Variants in NELL1 observed in about 807,000 individuals in gnomAD.
NELL1 encodes the protein protein kinase C-binding protein NELL1.
In NELL1, 76 loss-of-function variants were observed where a neutral mutation model predicts 107.4. The ratio of observed to expected loss-of-function variants is 0.71; its 90% CI spans 0.59 to 0.86. The LOEUF (loss-of-function observed/expected upper bound fraction) is 0.86, where lower values mean the gene tolerates loss of function less well. NELL1 is among the 40% of genes least tolerant of loss of function. The pLI, the probability that NELL1 is intolerant of heterozygous loss-of-function variation, is 0.00. For synonymous variants in NELL1, 353 were observed against 341.2 expected, an observed-to-expected ratio of 1.03 and a Z score of -0.38; for missense variants, 1,024 against 1,005.5, an observed-to-expected ratio of 1.02 and a Z score of -0.25.
intron 2 of NELL1, among the ~76,000 whole-genome samples, chr11:20,729,753 A>G (rs1157991466): frequency 6.6e-6 from 1 of 152,164 alleles, no homozygotes; most frequent in African/African-American, 2.4e-5. Flanking sequence ...ATTTCCACAC[A>G]GTAATGGAGT....
At position 21,060,028 on chromosome 11, in the gene NELL1, C is replaced by T. The variant is rs538516942; in HGVS notation, c.1301-53561C>T. On this transcript the variant is annotated intron_variant, in intron 12 of 19. Coordinates refer to ENST00000357134, the MANE Select transcript of NELL1 (RefSeq NM_006157.5). Reference sequence around the variant, plus strand: ...GGACCCAGCACACTAGCCATAGTAGCGTGCCTTATGCTAATGAACCACATG... The same window carrying T: ...GGACCCAGCACACTAGCCATAGTAGTGTGCCTTATGCTAATGAACCACATG... Among the ~76,000 whole-genome samples the T allele has an allele frequency of 9.2e-5, 14 of 152,254 alleles. No homozygotes were observed. In the East Asian group the frequency reaches 1.7e-3, roughly 19 times the overall value.
intron 15 of NELL1, among the ~76,000 whole-genome samples, chr11:21,375,617 A>G (rs916592566): frequency 6.6e-6 from 1 of 152,034 alleles, no homozygotes; most frequent in African/African-American, 2.4e-5. Flanking sequence ...GTTCTTTGAG[A>G]TATCTCCAAA....
chr11:20,937,105 A>G (rs751310539), intron 9 of NELL1, among the ~76,000 whole-genome samples: 22 of 152,240 alleles, frequency 1.4e-4, no homozygotes, highest in Non-Finnish European at 2.5e-4. Flanking sequence ...TGAGTCAGCC[A>G]GTTAAGTCAA....
chr11:21,179,603 C>T (rs1169506517), intron 13 of NELL1, among the ~76,000 whole-genome samples: 1 of 151,836 alleles, frequency 6.6e-6, no homozygotes, highest in Non-Finnish European at 1.5e-5. Flanking sequence ...AATCTATTAA[C>T]ATCTATTGGC....
chr11:20,687,597 T>A (rs1430533531), intron 2 of NELL1, among the ~76,000 whole-genome samples: 1 of 88,290 alleles, frequency 1.1e-5, no homozygotes, highest in Non-Finnish European at 2.5e-5. Context: ...CTAAACTAAA[T>A]TTTTTTTTTT....
In NELL1 at chr11:21,465,509, G is replaced by C. The variant is rs918858595; in HGVS notation, c.1646-68865G>C. Among the ~76,000 whole-genome samples the C allele has an allele frequency of 2.6e-5, 4 of 152,120 alleles. No individual in the cohort carries two copies. In the East Asian group the frequency reaches 7.8e-4, roughly 30 times the overall value. On this transcript the variant is annotated intron_variant, in intron 15 of 19. Transcript: ENST00000357134. Reference sequence around the variant, plus strand: ...TGGCATCTTTCCAGAATTTACTATAGCATTTTCATTTTCTTTCTGAGAAGC... The same window carrying C: ...TGGCATCTTTCCAGAATTTACTATACCATTTTCATTTTCTTTCTGAGAAGC...
chr11:21,488,688 A>G (rs557187359), intron 15 of NELL1, among the ~76,000 whole-genome samples: 3 of 152,196 alleles, frequency 2.0e-5, no homozygotes, highest in Non-Finnish European at 4.4e-5. Context: ...CTAAACAACC[A>G]TTGGGTCAAT....
intron 14 of NELL1, among the ~76,000 whole-genome samples, chr11:21,324,006 T>C (rs1850071807): frequency 6.6e-6 from 1 of 152,188 alleles, no homozygotes; most frequent in South Asian, 2.1e-4. Flanking sequence ...TGGATGGCCA[T>C]TTCTTATGTA....
At chr11:20,983,217 C>T (rs1851784252) in intron 12 of NELL1, among the ~76,000 whole-genome samples, 1 of 152,142 alleles carries the variant, frequency 6.6e-6, no homozygotes, top group African/African-American at 2.4e-5. Flanking sequence ...TTAAAACACA[C>T]TTTATTGTGA....
intron 12 of NELL1, among the ~76,000 whole-genome samples, chr11:20,966,997 G>A (rs1037796239): frequency 7.9e-5 from 12 of 152,120 alleles, no homozygotes; most frequent in Non-Finnish European, 1.8e-4. Context: ...CAAACTAACC[G>A]GGGCAATGGT....
chr11:21,099,248 C>A (rs1854742487), intron 12 of NELL1, among the ~76,000 whole-genome samples: 1 of 151,556 alleles, frequency 6.6e-6, no homozygotes, highest in African/African-American at 2.4e-5. Context: ...CACACACACA[C>A]ACACGGATCA....
At chr11:21,288,416 G>A (rs1027606158) in intron 14 of NELL1, among the ~76,000 whole-genome samples, 8 of 152,128 alleles carry the variant, frequency 5.3e-5, no homozygotes, top group African/African-American at 1.9e-4. Context: ...TACAATTCTG[G>A]TGTTATAAAA....
chr11:20,745,076 A>C (rs1316631761), intron 2 of NELL1, among the ~76,000 whole-genome samples: 1 of 152,050 alleles, frequency 6.6e-6, no homozygotes, highest in Non-Finnish European at 1.5e-5. Flanking sequence ...ACCAGGTATC[A>C]CTTCATTTAC....
intron 15 of NELL1, among the ~76,000 whole-genome samples, chr11:21,525,294 AC>A (rs1218075271): frequency 1.6e-4 from 24 of 152,326 alleles, no homozygotes; most frequent in African/African-American, 5.3e-4. Context: ...AGATTAATAC[AC>A]AAAAACTAGT....
intron 14 of NELL1, among the ~76,000 whole-genome samples, chr11:21,252,060 C>A (rs561624518): frequency 6.6e-6 from 1 of 152,188 alleles, no homozygotes; most frequent in Admixed American, 6.5e-5. Flanking sequence ...TTTACACACA[C>A]TGCTCCATTT....
chr11:21,051,803 T>C (rs1484430538), intron 12 of NELL1, among the ~76,000 whole-genome samples: 1 of 151,938 alleles, frequency 6.6e-6, no homozygotes, highest in Non-Finnish European at 1.5e-5. Flanking sequence ...GAACCTACAA[T>C]GCATCAGGCA....
At chr11:21,275,572 C>G (rs562058637) in intron 14 of NELL1, among the ~76,000 whole-genome samples, 6 of 152,246 alleles carry the variant, frequency 3.9e-5, no homozygotes, top group Admixed American at 6.5e-5. Context: ...CATCCTGATA[C>G]CAAAGCCTGG....
At chr11:20,746,566 TCACACACACACACACA>T (rs10556247) in intron 2 of NELL1, among the ~76,000 whole-genome samples, 5,452 of 149,368 alleles carry the variant, frequency 0.037, 317 homozygotes, top group African/African-American at 0.13. Context: ...GTGACAGATT[TCACACACACACACACA>T]CACACACACA....
chr11:21,061,043 T>C (rs1388341928), intron 12 of NELL1, among the ~76,000 whole-genome samples: 2 of 152,168 alleles, frequency 1.3e-5, no homozygotes, highest in Non-Finnish European at 2.9e-5. Context: ...CCCCACCCTT[T>C]CTTTTTTATG....
Sources: allele counts gnomAD v4.1 joint callset (sites outside exome capture counted in the v4.1 genomes callset), GRCh38; gene constraint gnomAD v4.1.1; transcripts MANE v1.5; gene names NCBI Gene and HGNC (gene_info 2026-07-23, HGNC 2026-07-21).